Variants in CLRN2 observed in about 807,000 individuals in gnomAD.
CLRN2 encodes clarin 2.
In CLRN2, 17 loss-of-function variants were observed where a neutral mutation model predicts 20.1. The observed-to-expected ratio is 0.85, with a 90% CI of 0.58 to 1.27. The LOEUF is 1.27. Ranked by LOEUF, CLRN2 falls within the 50% of genes most tolerant of loss-of-function variation. The probability of loss-of-function intolerance (pLI) is 0.00; values close to 1 mark genes in which losing one functional copy is unlikely to be tolerated. For synonymous variants in CLRN2, 140 were observed against 126.9 expected (o/e 1.10, Z -0.70); for missense variants, 288 against 299.5 (o/e 0.96, Z 0.28).
rs1275468721 is a variant in CLRN2, at chr4:17,520,195, A to C, written c.254-2669A>C. ...GGCCGAGGACTGGGCACTCTTTACC[A>C]CCCTCTCCACATCACTCCACATTCC... On this transcript the variant is annotated intron_variant, in intron 1 of 2. Coordinates refer to ENST00000511148, the MANE Select transcript of CLRN2 (RefSeq NM_001079827.2). Among the ~76,000 whole-genome samples, 7 of 151,484 alleles carry C rather than the reference A, an allele frequency of 4.6e-5. 1 individual carries two copies. Among genetic ancestry groups the C allele is most frequent in the African/African-American group, 1.7e-4 (7 of 41,180 alleles).
intron 1 of CLRN2, among the ~76,000 whole-genome samples, chr4:17,522,054 G>C (rs1711848414): frequency 6.6e-6 from 1 of 152,174 alleles, no homozygotes; most frequent in Non-Finnish European, 1.5e-5. Flanking sequence ...ATTAAGAGTT[G>C]CCTTCCCCAA....
intron 2 of CLRN2, 143 bp from the exon 3 acceptor site, chr4:17,526,674 A>G (rs149450329): frequency 2.2e-6 from 2 of 912,730 alleles, no homozygotes; most frequent in Non-Finnish European, 3.3e-6. Flanking sequence ...GTTATCTCCT[A>G]CTTTTAAAAG....
At chr4:17,519,151 T>A (rs1051003987) in intron 1 of CLRN2, among the ~76,000 whole-genome samples, 1 of 152,212 alleles carries the variant, frequency 6.6e-6, no homozygotes, top group Non-Finnish European at 1.5e-5. Context: ...TCTCTGGGAT[T>A]CGGAGCAAAC....
chr4:17,517,611 T>C (rs1368009770), intron 1 of CLRN2, among the ~76,000 whole-genome samples: 2 of 152,202 alleles, frequency 1.3e-5, no homozygotes, highest in Non-Finnish European at 2.9e-5. Context: ...CCTTCCTCCT[T>C]CTTCCTTCTT....
intron 1 of CLRN2, among the ~76,000 whole-genome samples, chr4:17,521,446 G>A (rs932245246): frequency 6.6e-6 from 1 of 152,206 alleles, no homozygotes; most frequent in African/African-American, 2.4e-5. Context: ...AGGAACCTTG[G>A]AGCAATTGCA....
In CLRN2 at chr4:17,520,787, C is replaced by A. The variant is rs112644358; in HGVS notation, c.254-2077C>A. Among the ~76,000 whole-genome samples, 292 of 152,242 alleles carry A rather than the reference C, an allele frequency of 1.9e-3. 4 individuals are homozygous for A. Among genetic ancestry groups the A allele is most frequent in the African/African-American group, 6.4e-3 (266 of 41,534 alleles). On this transcript the variant is annotated intron_variant, in intron 1 of 2. Coordinates refer to ENST00000511148, the MANE Select transcript of CLRN2 (RefSeq NM_001079827.2). ...GTGGCTCATGCCTGTAATCCCAGCA[C>A]GGGCAGATCACTTGAGGCCAGGAGT...
chr4:17,517,196 T>C (rs2109001382), intron 1 of CLRN2, among the ~76,000 whole-genome samples: 1 of 152,288 alleles, frequency 6.6e-6, no homozygotes, highest in East Asian at 1.9e-4. Flanking sequence ...TTTCTTCCTG[T>C]GATATGGGTA....
chr4:17,515,312 C>T lies in CLRN2; in HGVS notation c.46C>T (p.Leu16Phe), dbSNP rs368618131. The T allele has an allele frequency of 2.0e-5, 32 of 1,614,040 alleles. No homozygotes were observed. In the African/African-American group the frequency reaches 3.1e-4, roughly 15 times the overall value. ...GGCGTGGTATGGGCTGGCGTCTTTA[C>T]TCAGCTTCTCCTCCTTCATCCTGAT... ...KKAWYGLASL[L>F]SFSSFILIIV... The change falls in exon 1 of 3, where the codon CTC becomes TTC. Residue 16 changes from leucine (L) to phenylalanine (F), a missense_variant. By Grantham distance (22) the Leu-to-Phe change is conservative. Transcript: ENST00000511148.
Position 17,526,869 on chromosome 4 carries a change from CG to C in CLRN2, c.487del (p.Asp163ThrfsTer2). The stretch of plus-strand genomic sequence containing the variant: ...GCTTCGTGGCTGCGGTGAAATTTCA[CG>C]ACCTGACGGAACGAATCGCCAACTT... ...ASFVAAVKFHDLTERIANFQE... is the reference protein window; with the variant it reads ...ASFVAAVKFHXLTERIANFQE... On this transcript the variant is annotated frameshift_variant, in exon 3 of 3. Transcript: ENST00000511148. LOFTEE classifies it high-confidence loss of function. 3.1e-6 allele frequency: 5 copies of C among 1,613,996 alleles called. No individual in the cohort carries two copies. Among genetic ancestry groups the C allele is most frequent in the Non-Finnish European group, 4.2e-6 (5 of 1,179,882 alleles).
intron 2 of CLRN2, 106 bp from the exon 3 acceptor site, chr4:17,526,711 A>T: frequency 7.5e-7 from 1 of 1,325,250 alleles, no homozygotes; most frequent in Non-Finnish European, 1.1e-6. Flanking sequence ...TCTTCCTCAT[A>T]ATTTTGTTAA....
intron 1 of CLRN2, among the ~76,000 whole-genome samples, chr4:17,520,423 A>G (rs541197675): frequency 1.3e-5 from 2 of 152,338 alleles, no homozygotes; most frequent in Admixed American, 1.3e-4. Context: ...ATTGTAATGA[A>G]TATCCAATAT....
chr4:17,527,029 A>G lies in CLRN2; in HGVS notation c.646A>G (p.Ile216Val), dbSNP rs1248899593. The G allele has an allele frequency of 1.2e-6, 2 of 1,613,972 alleles. No individual in the cohort carries two copies. The highest frequency in any genetic ancestry group is 1.7e-6 in the Non-Finnish European group (2 of 1,179,886). ...GATCAGTCAAATTCCCCTCCCTGAG[A>G]TTAAGACCAAAATCGAAGAGGCCAC... ...VAISQIPLPE[I>V]KTKIEEATVT... Residue 216 changes from isoleucine to valine, a missense_variant, in exon 3 of 3, where the codon ATT (isoleucine) becomes GTT (valine). Coordinates refer to ENST00000511148, the MANE Select transcript of CLRN2 (RefSeq NM_001079827.2).
At chr4:17,522,064 A>C (rs991484011) in intron 1 of CLRN2, among the ~76,000 whole-genome samples, 3 of 152,226 alleles carry the variant, frequency 2.0e-5, no homozygotes, top group African/African-American at 4.8e-5. Context: ...GCCTTCCCCA[A>C]ACACAAGCAA....
intron 2 of CLRN2, among the ~76,000 whole-genome samples, chr4:17,524,235 T>TGTGTGTGTGTGCGC (rs762042329): frequency 1.4e-5 from 2 of 139,966 alleles, no homozygotes; most frequent in African/African-American, 2.7e-5. Flanking sequence ...TGTGTGTGTG[T>TGTGTGTGTGTGCGC]GCGCGCGCAT....
intron 1 of CLRN2, among the ~76,000 whole-genome samples, chr4:17,519,139 C>T (rs1043522643): frequency 1.3e-5 from 2 of 152,190 alleles, no homozygotes; most frequent in Admixed American, 1.3e-4. Context: ...GACTGCCAGA[C>T]CTCTCTGGGA....
chr4:17,517,856 G>A (rs1456875946), intron 1 of CLRN2, among the ~76,000 whole-genome samples: 1 of 152,110 alleles, frequency 6.6e-6, no homozygotes, highest in Non-Finnish European at 1.5e-5. Context: ...GAGGAGCCTG[G>A]GGCCAGGTTC....
At chr4:17,526,694 A>G (rs1711985269) in intron 2 of CLRN2, 123 bp from the exon 3 acceptor site, 3 of 1,132,202 alleles carry the variant, frequency 2.6e-6, no homozygotes, top group Non-Finnish European at 3.8e-6. Flanking sequence ...GCAAATTAAA[A>G]CTTATGTCTT....
Position 17,518,277 on chromosome 4 carries a change from G to C in CLRN2, c.253+2758G>C, listed in dbSNP as rs183120010. On this transcript the variant is annotated intron_variant, in intron 1 of 2. Coordinates refer to ENST00000511148, the MANE Select transcript of CLRN2 (RefSeq NM_001079827.2). The stretch of plus-strand genomic sequence containing the variant: ...AAGAACTATCCATCGCAAAGATTAA[G>C]GTCCTTTTTTTATACCCAGGCCCTA... Among the ~76,000 whole-genome samples, 942 of 152,218 alleles carry C rather than the reference G, an allele frequency of 6.2e-3. 4 individuals carry two copies. The highest frequency in any genetic ancestry group is 0.011 in the Non-Finnish European group (738 of 68,002).
chr4:17,516,830 G>T (rs1711687563), intron 1 of CLRN2, among the ~76,000 whole-genome samples: 1 of 152,206 alleles, frequency 6.6e-6, no homozygotes, highest in Non-Finnish European at 1.5e-5. Context: ...ATGTCTTCGG[G>T]ACTTTAGGGG....
Sources: gnomAD v4.1 joint callset for allele counts (sites outside exome capture counted in the v4.1 genomes callset) on GRCh38, gnomAD v4.1.1 for gene constraint, MANE v1.5 for transcripts, NCBI Gene and HGNC (gene_info 2026-07-23, HGNC 2026-07-21) for gene names.